Variants in SH3RF1 observed in about 807,000 individuals in gnomAD.
SH3RF1 encodes the protein SH3 domain containing ring finger 1, also known as E3 ubiquitin-protein ligase SH3RF1.
SH3RF1 carries 32 observed loss-of-function variants against 74.0 expected under a neutral mutation model. That is an observed-to-expected ratio of 0.43 (90% CI 0.33 to 0.58). The LOEUF (loss-of-function observed/expected upper bound fraction) is 0.58, where lower values mean the gene tolerates loss of function less well. SH3RF1 is among the 20% of genes least tolerant of loss of function. The probability of loss-of-function intolerance (pLI) is 0.05; values close to 1 mark genes in which losing one functional copy is unlikely to be tolerated. For synonymous variants in SH3RF1, 396 were observed against 439.6 expected, an observed-to-expected ratio of 0.90 and a Z score of 1.24; for missense variants, 954 against 1,130.9, an observed-to-expected ratio of 0.84 and a Z score of 2.24.
chr4:169,151,653 C>T lies in SH3RF1; in HGVS notation c.765+3827G>A, dbSNP rs1733978416. On this transcript the variant is annotated intron_variant, in intron 4 of 11. Coordinates refer to ENST00000284637, the MANE Select transcript of SH3RF1 (RefSeq NM_020870.4). The stretch of plus-strand genomic sequence containing the variant: ...ATGTAGCCCTTGTTTCTAGCAGTAA[C>T]TACTGAGTAAGAATAGTTGTCTATG... Among the ~76,000 whole-genome samples the T allele has an allele frequency of 6.6e-5, 10 of 152,334 alleles. No homozygotes were observed. In the South Asian group the frequency reaches 2.1e-3, roughly 32 times the overall value.
chr4:169,238,136 GTAATACTC>G (rs1414499170), intron 2 of SH3RF1, among the ~76,000 whole-genome samples: 2 of 152,082 alleles, frequency 1.3e-5, no homozygotes, highest in African/African-American at 2.4e-5. Flanking sequence ...GCCTCCTACT[GTAATACTC>G]TAATGCAATA....
rs538903760 is a variant in SH3RF1 at position 169,219,142 on chromosome 4, A to C, written c.393+49678T>G. On this transcript the variant is annotated intron_variant, in intron 2 of 11. Coordinates refer to ENST00000284637, the MANE Select transcript of SH3RF1 (RefSeq NM_020870.4). The stretch of plus-strand genomic sequence containing the variant: ...AAAAATTACAATGAGGAGCTGATAG[A>C]CGCAAGCATAAGAACAGTGGAAGAA... 7.5e-4 allele frequency among the ~76,000 whole-genome samples: 114 copies of C among 152,322 alleles called. 1 individual carries two copies. The South Asian group carries it at 0.018, about 24-fold the overall frequency.
At chr4:169,108,213 CT>C (rs1263584946) in intron 10 of SH3RF1, among the ~76,000 whole-genome samples, 1 of 152,170 alleles carries the variant, frequency 6.6e-6, no homozygotes, top group African/African-American at 2.4e-5. Flanking sequence ...AAATGAAACA[CT>C]TCATAGAGAA....
chr4:169,265,125 C>A (rs9312448), intron 2 of SH3RF1, among the ~76,000 whole-genome samples: 144,066 of 152,146 alleles, frequency 0.95, 68,712 homozygotes, highest in East Asian at 1. Context: ...TTATTATTTT[C>A]TTAATGTGTC....
chr4:169,173,145 T>C (rs1340118035), intron 2 of SH3RF1, among the ~76,000 whole-genome samples: 1 of 152,164 alleles, frequency 6.6e-6, no homozygotes, highest in Non-Finnish European at 1.5e-5. Context: ...TAAATGCAAT[T>C]GAAGCCTTCT....
intron 2 of SH3RF1, among the ~76,000 whole-genome samples, chr4:169,198,901 G>A (rs1561051006): frequency 6.6e-6 from 1 of 152,112 alleles, no homozygotes; most frequent in Non-Finnish European, 1.5e-5. Flanking sequence ...ACAAGAACAA[G>A]AGAAAAATAA....
In SH3RF1 at chr4:169,103,306, A is replaced by C. The variant is rs151182157; in HGVS notation, c.2498+3541T>G. On this transcript the variant is annotated intron_variant, in intron 11 of 11. Coordinates refer to ENST00000284637, the MANE Select transcript of SH3RF1 (RefSeq NM_020870.4). ...GAAATTTTATGCTTGTTCTCATTAT[A>C]ATCTGTAGATGAATCCTACCTCATA... Among the ~76,000 whole-genome samples the C allele has an allele frequency of 7.6e-4, 115 of 152,082 alleles. 1 individual carries two copies. In the South Asian group the frequency reaches 8.1e-3, roughly 11 times the overall value.
At chr4:169,218,720 T>C (rs1730507368) in intron 2 of SH3RF1, among the ~76,000 whole-genome samples, 2 of 151,904 alleles carry the variant, frequency 1.3e-5, no homozygotes, top group East Asian at 1.9e-4. Context: ...TGCCTTTTTA[T>C]AGCTGGTGAA....
chr4:169,217,820 A>C (rs1424325357), intron 2 of SH3RF1, among the ~76,000 whole-genome samples: 1 of 152,180 alleles, frequency 6.6e-6, no homozygotes, highest in Non-Finnish European at 1.5e-5. Flanking sequence ...ACAGAACCGT[A>C]TACTTTAAAA....
intron 1 of SH3RF1, 188 bp downstream of exon 1, chr4:169,270,671 A>C (rs2110769485): frequency 6.6e-6 from 1 of 152,332 alleles, no homozygotes; most frequent in Admixed American, 6.5e-5. Context: ...TGCCCGGAGA[A>C]GGCAGAGGCC....
rs757395563 is a variant in SH3RF1 at position 169,106,837 on chromosome 4, T to C, written c.2498+10A>G. 1 of 1,535,472 alleles carries C rather than the reference T, an allele frequency of 6.5e-7. No homozygotes were observed. Among genetic ancestry groups the C allele is most frequent in the South Asian group, 1.2e-5 (1 of 81,130 alleles). ...TTTTTAGTTTTTTCCTGGAACGAAGTTGAACTTACCTTTCACAAACGACAG... is the reference window on the plus strand; with the variant it reads ...TTTTTAGTTTTTTCCTGGAACGAAGCTGAACTTACCTTTCACAAACGACAG... On this transcript the variant is annotated intron_variant, in intron 11 of 11. Coordinates refer to ENST00000284637, the MANE Select transcript of SH3RF1 (RefSeq NM_020870.4).
intron 2 of SH3RF1, among the ~76,000 whole-genome samples, chr4:169,232,209 C>T (rs1730755152): frequency 1.3e-5 from 2 of 152,086 alleles, no homozygotes; most frequent in African/African-American, 4.8e-5. Context: ...GAGACAGTGC[C>T]AAAATTTTTG....
intron 2 of SH3RF1, among the ~76,000 whole-genome samples, chr4:169,176,704 C>A (rs1734426941): frequency 6.6e-6 from 1 of 152,068 alleles, no homozygotes; most frequent in South Asian, 2.1e-4. Flanking sequence ...CCATGCCTGG[C>A]TAATTTTTCA....
intron 10 of SH3RF1, among the ~76,000 whole-genome samples, chr4:169,115,567 T>C (rs576719522): frequency 2.0e-5 from 3 of 152,194 alleles, no homozygotes; most frequent in Admixed American, 1.3e-4. Context: ...GAAAACAAAC[T>C]CAGGGCTCCC....
chr4:169,265,995 C>G (rs1731346818), intron 2 of SH3RF1, among the ~76,000 whole-genome samples: 1 of 152,166 alleles, frequency 6.6e-6, no homozygotes, highest in African/African-American at 2.4e-5. Context: ...AGACAGGTAT[C>G]AGCAGTGTCC....
intron 2 of SH3RF1, among the ~76,000 whole-genome samples, chr4:169,240,783 G>A (rs564687649): frequency 8.5e-4 from 129 of 152,058 alleles, no homozygotes; most frequent in Non-Finnish European, 1.2e-3. Context: ...TCACCATGCT[G>A]CACTTGCCTG....
chr4:169,222,431 C>T (rs550060188), intron 2 of SH3RF1, among the ~76,000 whole-genome samples: 3 of 151,780 alleles, frequency 2.0e-5, no homozygotes, highest in Admixed American at 2.0e-4. Flanking sequence ...CACCACTACA[C>T]TCCAGCCTGG....
At chr4:169,115,221 C>T (rs774453164) in intron 10 of SH3RF1, among the ~76,000 whole-genome samples, 1 of 152,088 alleles carries the variant, frequency 6.6e-6, no homozygotes, top group Admixed American at 6.6e-5. Flanking sequence ...CAAGTCTTAC[C>T]TCTCAAGGAA....
intron 2 of SH3RF1, among the ~76,000 whole-genome samples, chr4:169,171,148 C>T (rs1013495142): frequency 1.3e-5 from 2 of 152,194 alleles, no homozygotes; most frequent in Non-Finnish European, 2.9e-5. Flanking sequence ...CGCAGGCAGC[C>T]AATTGTTCAA....
Sources: gnomAD v4.1 joint callset for allele counts (sites outside exome capture counted in the v4.1 genomes callset) on GRCh38, gnomAD v4.1.1 for gene constraint, MANE v1.5 for transcripts, NCBI Gene and HGNC (gene_info 2026-07-23, HGNC 2026-07-21) for gene names.